Variants in COL27A1 observed in about 807,000 individuals in gnomAD.
COL27A1 encodes the protein collagen type XXVII alpha 1 chain, also known as collagen alpha-1(XXVII) chain.
Under a neutral mutation model 251.3 loss-of-function variants are expected in COL27A1, and 106 were observed. The ratio of observed to expected loss-of-function variants is 0.42; its 90% CI spans 0.36 to 0.50. COL27A1 has a LOEUF of 0.50. Ranked by LOEUF, COL27A1 falls within the 20% of genes least tolerant of loss-of-function variation. The probability of loss-of-function intolerance (pLI) is 0.00; values close to 1 mark genes in which losing one functional copy is unlikely to be tolerated. For synonymous variants in COL27A1, 1,000 were observed against 986.3 expected, an observed-to-expected ratio of 1.01 and a Z score of -0.26; for missense variants, 2,325 against 2,522.8, an observed-to-expected ratio of 0.92 and a Z score of 1.68.
At chr9:114,213,900 C>T (rs909842785) in intron 12 of COL27A1, among the ~76,000 whole-genome samples, 4 of 152,156 alleles carry the variant, frequency 2.6e-5, no homozygotes, top group Non-Finnish European at 4.4e-5. Context: ...TCATGACAGG[C>T]GTGTTGTTCC....
intron 7 of COL27A1, among the ~76,000 whole-genome samples, chr9:114,200,253 C>A (rs1036897509): frequency 6.6e-6 from 1 of 152,228 alleles, no homozygotes; most frequent in Non-Finnish European, 1.5e-5. Context: ...CACTGGCATC[C>A]CTCCTATCCC....
intron 16 of COL27A1, among the ~76,000 whole-genome samples, chr9:114,233,085 C>T (rs867018496): frequency 6.6e-6 from 1 of 152,136 alleles, no homozygotes; most frequent in Admixed American, 6.5e-5. Flanking sequence ...AAGAAGCTTG[C>T]CTGAGGCCAC....
At chr9:114,300,317 T>C in intron 50 of COL27A1, 194 bp downstream of exon 50, 1 of 620,870 alleles carries the variant, frequency 1.6e-6, no homozygotes, top group South Asian at 2.0e-5. Context: ...AATTACCTGC[T>C]CTGTGCCTTG....
At chr9:114,162,948 A>G (rs1848600331) in intron 2 of COL27A1, among the ~76,000 whole-genome samples, 163 bp downstream of exon 2, 1 of 152,086 alleles carries the variant, frequency 6.6e-6, no homozygotes, top group South Asian at 2.1e-4. Flanking sequence ...TAGGCTTGAA[A>G]GAATGACATT....
intron 60 of COL27A1, among the ~76,000 whole-genome samples, chr9:114,310,116 TAGGGAAAAGGGTGGGAGAGGGGTG>T (rs1432342466): frequency 6.6e-6 from 1 of 152,082 alleles, no homozygotes; most frequent in African/African-American, 2.4e-5. Flanking sequence ...TTTGAGGACT[TAGGGAAAAGGGTGGGAGAGGGGTG>T]AGAGGTAAAA....
intron 3 of COL27A1, among the ~76,000 whole-genome samples, chr9:114,173,983 T>G (rs1295982324): frequency 6.2e-5 from 1 of 16,050 alleles, no homozygotes. Context: ...ACTGCCCCCA[T>G]TTTTTTTTTT....
intron 14 of COL27A1, among the ~76,000 whole-genome samples, chr9:114,223,246 T>C (rs7027825): frequency 0.74 from 111,884 of 152,110 alleles, 41,909 homozygotes; most frequent in South Asian, 0.89. Flanking sequence ...GGGTTTGAGT[T>C]TGGGGGCCCG....
At chr9:114,229,392 T>C (rs1831762096) in intron 14 of COL27A1, among the ~76,000 whole-genome samples, 1 of 152,220 alleles carries the variant, frequency 6.6e-6, no homozygotes. Context: ...CATAGTCCCC[T>C]TGGCCCTTCC....
At position 114,169,387 on chromosome 9, in the gene COL27A1, T is replaced by C; in HGVS notation, c.1832T>C (p.Ile611Thr). ...SPRPTSSGYS[I>T]FHLAGSTPFP... is the part of the protein sequence containing the mutation. ...CGGCCCACGAGCAGTGGCTATTCGA[T>C]CTTCCACCTGGCAGGATCTACGCCT... The change falls in exon 3 of 61, where the codon ATC becomes ACC. Residue 611 changes from isoleucine (I) to threonine (T), a missense_variant. This residue lies in a region of COL27A1 where 1,183 missense variants were observed against 1,144.1 expected (regional missense o/e 1.03). Transcript: ENST00000356083. 1 of 1,609,246 alleles carries C rather than the reference T, an allele frequency of 6.2e-7. No homozygotes were observed.
chr9:114,205,235 G>A, intron 8 of COL27A1, 89 bp downstream of exon 8: 1 of 1,260,670 alleles, frequency 7.9e-7, no homozygotes, highest in South Asian at 1.3e-5. Context: ...ATCCTGCTCT[G>A]TGAGCCAGCC....
intron 13 of COL27A1, among the ~76,000 whole-genome samples, chr9:114,221,664 G>C (rs1294284055): frequency 6.6e-6 from 1 of 152,186 alleles, no homozygotes; most frequent in Non-Finnish European, 1.5e-5. Flanking sequence ...CTCGTCTCCT[G>C]ACTCCCAGGC....
intron 12 of COL27A1, among the ~76,000 whole-genome samples, chr9:114,214,201 A>G (rs1830559917): frequency 6.6e-6 from 1 of 152,100 alleles, no homozygotes; most frequent in South Asian, 2.1e-4. Context: ...TGTTGCTCCC[A>G]ACCCCTTGAT....
chr9:114,286,987 G>C lies in COL27A1; in HGVS notation c.3988-1468G>C, dbSNP rs756228362. On this transcript the variant is annotated intron_variant, in intron 41 of 60. Coordinates refer to ENST00000356083, the MANE Select transcript of COL27A1 (RefSeq NM_032888.4). ...GAACACGCTAGGTAGACACAGGCAG[G>C]CCCCTTCCCCAAAGCCGTCAAGTCC... Among the ~76,000 whole-genome samples, 3 of 152,140 alleles carry C rather than the reference G, an allele frequency of 2.0e-5. No individual in the cohort carries two copies. The South Asian group carries it at 6.2e-4, about 32-fold the overall frequency.
At position 114,265,081 on chromosome 9, in the gene COL27A1, C is replaced by T. The variant is rs764305873; in HGVS notation, c.3310C>T (p.Arg1104Ter). The change falls in exon 31 of 61, where the codon CGA becomes TGA. Residue 1104 changes from arginine to a stop codon, truncating the protein, a stop_gained. Transcript: ENST00000356083. LOFTEE classifies it high-confidence loss of function. ...GTGCTTCCAGGGTGTGGCTGGTGAG[C>T]GAGGCCACTTGGGCTCGAGAGGCTT... Reference protein sequence around the residue: ...RPGQQGVAGERGHLGSRGFPG... With the variant: ...RPGQQGVAGE 5 of 1,612,638 alleles carry T rather than the reference C, an allele frequency of 3.1e-6. No homozygotes were observed. Among genetic ancestry groups the T allele is most frequent in the Non-Finnish European group, 3.4e-6 (4 of 1,179,804 alleles).
At position 114,290,271 on chromosome 9, in the gene COL27A1, C is replaced by T. The variant is rs929558903; in HGVS notation, c.4308C>T (p.Gly1436=). The stretch of plus-strand genomic sequence containing the variant: ...CCCGGGGCGTGGTGGGGAGACAGGG[C>T]CTCGAGGGCATCGCTGGACCAGATG... The part of the protein sequence containing the change: ...PGPRGVVGRQ[G]LEGIAGPDGL... Residue 1436 remains glycine (G), a synonymous_variant, in exon 47 of 61, where the codon GGC becomes GGT. Transcript: ENST00000356083. The surrounding 1 kb of genome is among the most constrained non-coding windows in gnomAD (Gnocchi z 4.6). The T allele has an allele frequency of 2.5e-6, 4 of 1,579,466 alleles. No homozygotes were observed. The highest frequency in any genetic ancestry group is 1.3e-5 in the African/African-American group (1 of 74,546).
intron 37 of COL27A1, among the ~76,000 whole-genome samples, chr9:114,278,916 T>C (rs1404049008): frequency 6.6e-6 from 1 of 152,058 alleles, no homozygotes; most frequent in Admixed American, 6.5e-5. Context: ...AATGCATCTA[T>C]ATGGATGGGG....
At chr9:114,160,516 C>A (rs1211053904) in intron 1 of COL27A1, among the ~76,000 whole-genome samples, 2 of 151,732 alleles carry the variant, frequency 1.3e-5, no homozygotes, top group Non-Finnish European at 2.9e-5. Context: ...TAAAAATATA[C>A]TGGACACTTC....
chr9:114,266,468 CA>C, intron 32 of COL27A1, 96 bp from the exon 33 acceptor site: 1 of 1,010,712 alleles, frequency 9.9e-7, no homozygotes, highest in Non-Finnish European at 1.5e-6. Flanking sequence ...TCAGAGTCCC[CA>C]GTTCTGGGGG....
At chr9:114,216,813 C>T (rs908481713) in intron 12 of COL27A1, among the ~76,000 whole-genome samples, 12 of 152,068 alleles carry the variant, frequency 7.9e-5, no homozygotes, top group African/African-American at 2.7e-4. Flanking sequence ...AGGCCCTCAG[C>T]GTGTCCAAGC....
Sources: allele counts gnomAD v4.1 joint callset (sites outside exome capture counted in the v4.1 genomes callset), GRCh38; gene constraint gnomAD v4.1.1; regional missense constraint gnomAD v4.1.1; non-coding constraint Gnocchi (gnomAD v3.1); transcripts MANE v1.5; gene names NCBI Gene and HGNC (gene_info 2026-07-23, HGNC 2026-07-21).